The following SYT1 variants were observed in gnomAD, a reference collection of about 807,000 sequenced individuals.
SYT1 encodes synaptotagmin-1.
SYT1 carries 8 observed loss-of-function variants against 44.8 expected under a neutral mutation model. The ratio of observed to expected loss-of-function variants is 0.18; its 90% CI spans 0.10 to 0.32. The LOEUF (loss-of-function observed/expected upper bound fraction) is 0.32. SYT1 is among the 10% of genes least tolerant of loss of function. The pLI is 1.00. For missense variants in SYT1, 286 were observed against 509.3 expected (o/e 0.56, Z 4.22); for synonymous variants, 154 against 188.8 (o/e 0.82, Z 1.51).
At chr12:79,127,647 G>A (rs1411554831) in intron 3 of SYT1, among the ~76,000 whole-genome samples, 2 of 152,148 alleles carry the variant, frequency 1.3e-5, no homozygotes. Flanking sequence ...CTATCACATA[G>A]CAGTTCAACA....
chr12:79,084,786 T>A (rs1176399482), intron 3 of SYT1, among the ~76,000 whole-genome samples: 2 of 152,114 alleles, frequency 1.3e-5, no homozygotes, highest in Non-Finnish European at 1.5e-5. Context: ...TGATTTAATT[T>A]TTTTGATGTG....
chr12:79,303,624 C>T (rs1452299567), intron 8 of SYT1, among the ~76,000 whole-genome samples: 1 of 151,790 alleles, frequency 6.6e-6, no homozygotes, highest in Non-Finnish European at 1.5e-5. Flanking sequence ...AATTAGTATC[C>T]AAGCAGAAGG....
intron 4 of SYT1, among the ~76,000 whole-genome samples, chr12:79,246,111 AATC>A (rs1876836636): frequency 6.6e-6 from 1 of 152,116 alleles, no homozygotes; most frequent in Non-Finnish European, 1.5e-5. Context: ...CTAGTATTTT[AATC>A]ATAAGATTAA....
intron 3 of SYT1, among the ~76,000 whole-genome samples, chr12:79,057,458 A>G (rs1875045355): frequency 6.6e-6 from 1 of 152,064 alleles, no homozygotes; most frequent in African/African-American, 2.4e-5. Context: ...ATTATAAGAA[A>G]TAATTCTTAG....
chr12:79,174,468 G>A (rs1871735862), intron 3 of SYT1, among the ~76,000 whole-genome samples: 1 of 151,974 alleles, frequency 6.6e-6, no homozygotes, highest in Admixed American at 6.6e-5. Context: ...AATAAAAAGT[G>A]TAACGAGCCT....
At chr12:79,246,096 T>A (rs987366167) in intron 4 of SYT1, among the ~76,000 whole-genome samples, 4 of 152,094 alleles carry the variant, frequency 2.6e-5, no homozygotes, top group Non-Finnish European at 5.9e-5. Context: ...TATTAAAGAT[T>A]TTTACTAGTA....
chr12:79,436,116 G>T (rs934707535), intron 9 of SYT1, among the ~76,000 whole-genome samples: 3 of 152,076 alleles, frequency 2.0e-5, no homozygotes, highest in African/African-American at 7.2e-5. Flanking sequence ...AATTTTAGGG[G>T]ACAATTCAAA....
At chr12:79,155,379 A>G (rs1207228812) in intron 3 of SYT1, among the ~76,000 whole-genome samples, 1 of 152,178 alleles carries the variant, frequency 6.6e-6, no homozygotes, top group Admixed American at 6.5e-5. Flanking sequence ...GTTGGAAGGC[A>G]GGGACTCCCT....
rs865913538 is a variant in SYT1, at chr12:79,179,133, T to G, written c.-17-38370T>G. 1.2e-3 allele frequency among the ~76,000 whole-genome samples: 132 copies of G among 113,668 alleles called. 1 individual carries two copies. Among genetic ancestry groups the G allele is most frequent in the African/African-American group, 3.6e-3 (96 of 26,418 alleles). 74.6% of individuals were successfully genotyped at this position (113,668 alleles called of 152,430 possible). A position where few individuals can be genotyped will look rare whatever the true frequency, so the allele number is the denominator to read the frequency against. ...AGATATAGATATAGATATAGATATA[T>G]AGATATAGATATAGATATATAGATA... On this transcript the variant is annotated intron_variant, in intron 3 of 10. Coordinates refer to ENST00000261205, the MANE Select transcript of SYT1 (RefSeq NM_005639.3).
At chr12:79,273,572 G>C (rs775235159) in intron 4 of SYT1, among the ~76,000 whole-genome samples, 9 of 152,148 alleles carry the variant, frequency 5.9e-5, no homozygotes, top group Non-Finnish European at 1.0e-4. Flanking sequence ...TTCCACTGCA[G>C]AGCCTGGCAA....
At chr12:78,972,583 A>T (rs1054516361) in intron 1 of SYT1, among the ~76,000 whole-genome samples, 6 of 151,604 alleles carry the variant, frequency 4.0e-5, no homozygotes, top group Non-Finnish European at 8.8e-5. Context: ...TAAATTATTT[A>T]AGTTGGTGTA....
chr12:79,181,999 G>C (rs1872576433), intron 3 of SYT1, among the ~76,000 whole-genome samples: 2 of 151,702 alleles, frequency 1.3e-5, no homozygotes, highest in South Asian at 4.2e-4. Context: ...TCTCACTTCT[G>C]GTAACTTCTC....
chr12:79,086,278 G>A (rs1353670469), intron 3 of SYT1, among the ~76,000 whole-genome samples: 3 of 152,002 alleles, frequency 2.0e-5, no homozygotes, highest in African/African-American at 7.2e-5. Context: ...ATATGTGTGT[G>A]TGTGAGCCTG....
At chr12:78,922,954 G>GCCCATTCCCA (rs76104199) in intron 1 of SYT1, among the ~76,000 whole-genome samples, 7,189 of 151,954 alleles carry the variant, frequency 0.047, 221 homozygotes, top group Admixed American at 0.083. Context: ...GAGAACCCAG[G>GCCCATTCCCA]TAATCTCCAG....
At chr12:79,076,945 C>G (rs549218297) in intron 3 of SYT1, among the ~76,000 whole-genome samples, 10 of 152,290 alleles carry the variant, frequency 6.6e-5, no homozygotes, top group African/African-American at 2.4e-4. Flanking sequence ...TTTAGCCTGT[C>G]TTCCTTCCTA....
intron 1 of SYT1, among the ~76,000 whole-genome samples, chr12:78,969,091 CTT>C (rs756286061): frequency 2.6e-5 from 4 of 152,100 alleles, no homozygotes; most frequent in Admixed American, 6.5e-5. Flanking sequence ...CATGTAGAGA[CTT>C]TTTCATGTTC....
chr12:79,068,918 A>C, intron 3 of SYT1, among the ~76,000 whole-genome samples: 1 of 152,296 alleles, frequency 6.6e-6, no homozygotes, highest in East Asian at 1.9e-4. Context: ...TAGCAAATCA[A>C]ATTTAAAAAC....
intron 4 of SYT1, among the ~76,000 whole-genome samples, chr12:79,244,031 T>G (rs927143944): frequency 6.6e-6 from 1 of 152,210 alleles, no homozygotes; most frequent in Admixed American, 6.5e-5. Flanking sequence ...AAAGTTGTTA[T>G]ATATTTTACC....
chr12:79,258,238 C>A (rs181305321), intron 4 of SYT1, among the ~76,000 whole-genome samples: 2 of 152,190 alleles, frequency 1.3e-5, no homozygotes, highest in Non-Finnish European at 2.9e-5. Flanking sequence ...AGAATGACTG[C>A]GATGGTGTTG....
Sources: allele counts gnomAD v4.1 joint callset (sites outside exome capture counted in the v4.1 genomes callset), GRCh38; gene constraint gnomAD v4.1.1; transcripts MANE v1.5; gene names NCBI Gene and HGNC (gene_info 2026-07-23, HGNC 2026-07-21).